Variants in AQP1 observed in about 807,000 individuals in gnomAD.
The protein encoded by AQP1 is aquaporin-1.
AQP1 carries 11 observed loss-of-function variants against 19.7 expected under a neutral mutation model. That is an observed-to-expected ratio of 0.56 (90% CI 0.35 to 0.92). The LOEUF (loss-of-function observed/expected upper bound fraction) is 0.92, where lower values mean the gene tolerates loss of function less well. AQP1 is among the 40% of genes least tolerant of loss of function. AQP1 has a pLI of 0.01. For missense variants in AQP1, 320 were observed against 369.7 expected (o/e 0.87, Z 1.10); for synonymous variants, 159 against 166.7 (o/e 0.95, Z 0.36).
intron 1 of AQP1, chr7:30,921,850 T>C: frequency 6.5e-7 from 1 of 1,543,572 alleles, no homozygotes; most frequent in South Asian, 1.2e-5. Flanking sequence ...TATTAGGGGC[T>C]GGGCTGGAGT....
Position 30,923,662 on chromosome 7 carries a change from C to T in AQP1, c.*33C>T. On this transcript the variant is annotated 3_prime_UTR_variant, in exon 4 of 4. Coordinates refer to ENST00000311813, the MANE Select transcript of AQP1 (RefSeq NM_198098.4). This position sits in a 1 kb window ranked among gnomAD's most constrained non-coding sequence, Gnocchi z 4.8. ...CTGGCCCGGGCATCCACGTAGGGGG[C>T]AGGGGCAGGGGCGGGCGGAGGGAGG... The T allele has an allele frequency of 1.4e-6, 2 of 1,461,602 alleles. No individual in the cohort carries two copies. The highest frequency in any genetic ancestry group is 2.1e-5 in the Admixed American group (1 of 48,664). The allele number at this position is 1,461,602 out of a possible 1,614,324, so 90.5% of individuals were successfully genotyped here.
At chr7:30,917,052 C>T (rs558763299) in intron 1 of AQP1, among the ~76,000 whole-genome samples, 1 of 152,320 alleles carries the variant, frequency 6.6e-6, no homozygotes, top group African/African-American at 2.4e-5. Flanking sequence ...AGGCAGGAGG[C>T]ACTTTTGGAG....
Position 30,912,231 on chromosome 7 carries a change from G to A in AQP1, c.322G>A (p.Ala108Thr), listed in dbSNP as rs940136659. 3.7e-6 allele frequency: 6 copies of A among 1,609,008 alleles called. No homozygotes were observed. The highest frequency in any genetic ancestry group is 1.7e-5 in the Admixed American group (1 of 60,028). ...CGCCCAGTGCGTGGGGGCCATCGTC[G>A]CCACCGCCATCCTCTCAGGCATCAC... ...IIAQCVGAIV[A>T]TAILSGITSS... Residue 108 changes from alanine to threonine, a missense_variant, in exon 1 of 4, where the codon GCC becomes ACC. Transcript: ENST00000311813. The surrounding 1 kb of genome is among the most constrained non-coding windows in gnomAD (Gnocchi z 4.3).
At position 30,925,027 on chromosome 7, in the gene AQP1, C is replaced by G. The variant is rs1336629705; in HGVS notation, c.*1398C>G. 3 of 152,282 alleles carry G rather than the reference C, an allele frequency of 2.0e-5. No individual in the cohort carries two copies. The highest frequency in any genetic ancestry group is 1.9e-4 in the East Asian group (1 of 5,198). 9.4% of individuals were successfully genotyped at this position (152,282 alleles called of 1,614,324 possible). On this transcript the variant is annotated 3_prime_UTR_variant, in exon 4 of 4. Coordinates refer to ENST00000311813, the MANE Select transcript of AQP1 (RefSeq NM_198098.4). ...CCTTTCAATTCCACCAGGGCCAGAG[C>G]AGCTCCACCACTGTGCACTTAGCCA... is the stretch of plus-strand genomic sequence containing the variant.
Position 30,921,810 on chromosome 7 carries a change from TAGGCAGAGTGGGGCCTGGGTCTAGGC to T in AQP1, c.385-252_385-227del, listed in dbSNP as rs1562580056. On this transcript the variant is annotated intron_variant, in intron 1 of 3. Coordinates refer to ENST00000311813, the MANE Select transcript of AQP1 (RefSeq NM_198098.4). ...GCTCACCCCAGGCCTCTCCAGCTTCTAGGCAGAGTGGGGCCTGGGTCTAGGCAGGTATTAGGGGCTGGGCTGGAGTT... is the reference window on the plus strand; with the variant it reads ...GCTCACCCCAGGCCTCTCCAGCTTCTAGGTATTAGGGGCTGGGCTGGAGTT... 1.9e-6 allele frequency: 3 copies of T among 1,550,338 alleles called. No homozygotes were observed. The African/African-American group carries it at 4.1e-5, about 21-fold the overall frequency.
chr7:30,921,742 C>G, intron 1 of AQP1: 1 of 1,550,804 alleles, frequency 6.4e-7, no homozygotes, highest in African/African-American at 1.4e-5. Context: ...TCTTGGTACC[C>G]CAGAATACCC....
rs888976055 is a variant in AQP1 at position 30,914,032 on chromosome 7, C to G, written c.384+1739C>G. On this transcript the variant is annotated intron_variant, in intron 1 of 3. Transcript: ENST00000311813. ...TCCCTCCCATCTCACAGGGCGGAGCCTCTGCACCTGCTGGCGAAGGCTTCA... is the reference window on the plus strand; with the variant it reads ...TCCCTCCCATCTCACAGGGCGGAGCGTCTGCACCTGCTGGCGAAGGCTTCA... Among the ~76,000 whole-genome samples the G allele has an allele frequency of 2.6e-5, 4 of 152,296 alleles. 1 individual carries two copies. The highest frequency in any genetic ancestry group is 2.0e-4 in the Admixed American group (3 of 15,306).
intron 2 of AQP1, among the ~76,000 whole-genome samples, 155 bp downstream of exon 2, chr7:30,922,385 C>T (rs1162590414): frequency 6.6e-6 from 1 of 152,116 alleles, no homozygotes; most frequent in African/African-American, 2.4e-5. Context: ...CAGGGTCCTG[C>T]CCTGGAGAGG....
At chr7:30,918,382 AC>A (rs1204608346) in intron 1 of AQP1, among the ~76,000 whole-genome samples, 1 of 152,224 alleles carries the variant, frequency 6.6e-6, no homozygotes, top group East Asian at 1.9e-4. Context: ...AGCCCTGGAC[AC>A]ATGTGGTCAT....
chr7:30,922,865 G>T (rs1791560916), intron 3 of AQP1, among the ~76,000 whole-genome samples: 1 of 152,234 alleles, frequency 6.6e-6, no homozygotes, highest in Non-Finnish European at 1.5e-5. Context: ...GCCCCATGCT[G>T]CCTGGCCTCC....
chr7:30,913,009 GGTGT>G (rs1791208603), intron 1 of AQP1, among the ~76,000 whole-genome samples: 1 of 151,902 alleles, frequency 6.6e-6, no homozygotes, highest in Non-Finnish European at 1.5e-5. Flanking sequence ...TGTGTGTGAA[GGTGT>G]GTATGTGTGC....
chr7:30,921,800 C>G, intron 1 of AQP1: 1 of 1,550,604 alleles, frequency 6.4e-7, no homozygotes, highest in Non-Finnish European at 8.7e-7. Flanking sequence ...CCCCAGGCCT[C>G]TCCAGCTTCT....
At chr7:30,914,473 G>A (rs576790326) in intron 1 of AQP1, among the ~76,000 whole-genome samples, 70 of 152,364 alleles carry the variant, frequency 4.6e-4, no homozygotes, top group African/African-American at 1.7e-3. Flanking sequence ...AGGGCGCTTA[G>A]CATGATGGTG....
In AQP1 at chr7:30,923,219, A is replaced by G. The variant is rs1170345343; in HGVS notation, c.631-231A>G. Among the ~76,000 whole-genome samples, 1 of 152,258 alleles carries G rather than the reference A, an allele frequency of 6.6e-6. No homozygotes were observed. The highest frequency in any genetic ancestry group is 6.5e-5 in the Admixed American group (1 of 15,292). ...CCTCAAGAAGGGGCTGCTACTGCCC[A>G]TGCCTGAGCTGGGCCCCACAGAGGC... On this transcript the variant is annotated intron_variant, in intron 3 of 3. Transcript: ENST00000311813. The surrounding 1 kb of genome is among the most constrained non-coding windows in gnomAD (Gnocchi z 4.8).
chr7:30,912,698 C>A lies in AQP1; in HGVS notation c.384+405C>A, dbSNP rs1303956521. Among the ~76,000 whole-genome samples, 1 of 152,242 alleles carries A rather than the reference C, an allele frequency of 6.6e-6. No individual in the cohort carries two copies. The highest frequency in any genetic ancestry group is 2.4e-5 in the African/African-American group (1 of 41,460). On this transcript the variant is annotated intron_variant, in intron 1 of 3. Coordinates refer to ENST00000311813, the MANE Select transcript of AQP1 (RefSeq NM_198098.4). The surrounding 1 kb of genome is among the most constrained non-coding windows in gnomAD (Gnocchi z 4.3). ...ACTTTGCCCGCTGTCCCCAGCCACC[C>A]TGAACCAAATGCCCAGCCTGTCTGC...
intron 2 of AQP1, among the ~76,000 whole-genome samples, 154 bp from the exon 3 acceptor site, chr7:30,922,410 C>T (rs1791543033): frequency 6.6e-6 from 1 of 152,164 alleles, no homozygotes; most frequent in Admixed American, 6.5e-5. Context: ...CAGGGACCTC[C>T]TGCCCAGCTT....
Position 30,924,119 on chromosome 7 carries a change from C to A in AQP1, c.*490C>A, listed in dbSNP as rs963351718. 2 of 1,193,194 alleles carry A rather than the reference C, an allele frequency of 1.7e-6. No homozygotes were observed. The highest frequency in any genetic ancestry group is 2.1e-6 in the Non-Finnish European group (2 of 943,786). The allele number at this position is 1,193,194 out of a possible 1,614,324, so 73.9% of individuals were successfully genotyped here. On this transcript the variant is annotated 3_prime_UTR_variant, in exon 4 of 4. Coordinates refer to ENST00000311813, the MANE Select transcript of AQP1 (RefSeq NM_198098.4). ...CAGGAGGTGCAGTGGAGGGGGCAAGCTTTGCTCCTTCAGTTCTGCTTGCTC... is the reference window on the plus strand; with the variant it reads ...CAGGAGGTGCAGTGGAGGGGGCAAGATTTGCTCCTTCAGTTCTGCTTGCTC...
At chr7:30,921,805 G>T (rs1291697153) in intron 1 of AQP1, 4 of 1,550,428 alleles carry the variant, frequency 2.6e-6, no homozygotes, top group Admixed American at 2.0e-5. Context: ...GGCCTCTCCA[G>T]CTTCTAGGCA....
Position 30,912,311 on chromosome 7 carries a change from G to C in AQP1, c.384+18G>C. On this transcript the variant is annotated intron_variant, in intron 1 of 3. Coordinates refer to ENST00000311813, the MANE Select transcript of AQP1 (RefSeq NM_198098.4). This position sits in a 1 kb window ranked among gnomAD's most constrained non-coding sequence, Gnocchi z 4.3. The stretch of plus-strand genomic sequence containing the variant: ...GCAATGACGTGAGTGGGGTGTCCCT[G>C]GGCTTGGGGGGGTTCTAGAATGATG... 6.3e-7 allele frequency: 1 copy of C among 1,596,290 alleles called. No individual in the cohort carries two copies. The highest frequency in any genetic ancestry group is 8.5e-7 in the Non-Finnish European group (1 of 1,177,596).
Sources: allele counts gnomAD v4.1 joint callset (sites outside exome capture counted in the v4.1 genomes callset), GRCh38; gene constraint gnomAD v4.1.1; non-coding constraint Gnocchi (gnomAD v3.1); transcripts MANE v1.5; gene names NCBI Gene and HGNC (gene_info 2026-07-23, HGNC 2026-07-21).